NCOA2: variants seen among roughly 807,000 people sequenced by gnomAD.
NCOA2 encodes the protein class E basic helix-loop-helix protein 75.
Under a neutral mutation model 145.1 loss-of-function variants are expected in NCOA2, and 21 were observed. That is an observed-to-expected ratio of 0.14 (90% CI 0.10 to 0.21). The LOEUF (loss-of-function observed/expected upper bound fraction) is 0.21, where lower values mean the gene tolerates loss of function less well. Ranked by LOEUF, NCOA2 falls within the 10% of genes least tolerant of loss-of-function variation. NCOA2 has a pLI of 1.00. For synonymous variants in NCOA2, 619 were observed against 637.5 expected (o/e 0.97, Z 0.44); for missense variants, 1,472 against 1,837.6 (o/e 0.80, Z 3.64).
the NCOA2 span, among the ~76,000 whole-genome samples, chr8:70,416,720 T>C: frequency 2.0e-5 from 3 of 152,198 alleles, no homozygotes; most frequent in African/African-American, 7.2e-5. Context: ...AGGGCTTTCA[T>C]GCTTTATCAT....
rs984826712 is a variant in NCOA2, at chr8:70,338,551, A to G, written c.-76-41751T>C. Reference sequence around the variant, plus strand: ...CCATTTCCACTGAAACTATTCCAAAAAACTGAAAAGGAGGGACTCCTCCCT... The same window carrying G: ...CCATTTCCACTGAAACTATTCCAAAGAACTGAAAAGGAGGGACTCCTCCCT... On this transcript the variant is annotated intron_variant, in intron 1 of 22. Transcript: ENST00000452400. 2.0e-5 allele frequency among the ~76,000 whole-genome samples: 3 copies of G among 152,156 alleles called. No homozygotes were observed. In the South Asian group the frequency reaches 6.2e-4, roughly 32 times the overall value.
chr8:70,398,310 T>A (rs745946426), intron 1 of NCOA2, among the ~76,000 whole-genome samples: 3 of 151,936 alleles, frequency 2.0e-5, no homozygotes, highest in African/African-American at 4.8e-5. Context: ...ATATCAAAAA[T>A]TAGCTAGGCG....
At chr8:70,434,578 C>G in the NCOA2 span, among the ~76,000 whole-genome samples, 1 of 151,800 alleles carries the variant, frequency 6.6e-6, no homozygotes, top group Non-Finnish European at 1.5e-5. Flanking sequence ...TTTCTTTTTT[C>G]TTTTTTTGGA....
chr8:70,113,606 TG>T lies in NCOA2; in HGVS notation c.*25del. The T allele has an allele frequency of 6.4e-7, 1 of 1,551,680 alleles. No homozygotes were observed. Among genetic ancestry groups the T allele is most frequent in the South Asian group, 1.2e-5 (1 of 84,066 alleles). ...TTTTGAGCAAGTGAGCCCGGTCAGC[TG>T]AAGAAGCAACTGGCTTCAGCAGTGT... On this transcript the variant is annotated 3_prime_UTR_variant, in exon 23 of 23. Coordinates refer to ENST00000452400, the MANE Select transcript of NCOA2 (RefSeq NM_006540.4).
chr8:70,431,775 GT>G, the NCOA2 span, among the ~76,000 whole-genome samples: 8 of 152,264 alleles, frequency 5.3e-5, no homozygotes, highest in East Asian at 1.5e-3. Flanking sequence ...ATTAAAATAT[GT>G]TTCAAATAGT....
chr8:70,424,195 C>T, the NCOA2 span: 2 of 281,390 alleles, frequency 7.1e-6, no homozygotes, highest in African/African-American at 2.3e-5. Flanking sequence ...GCTTCAGACA[C>T]GAAGACCCCA....
chr8:70,417,505 T>A, the NCOA2 span, among the ~76,000 whole-genome samples: 1 of 152,038 alleles, frequency 6.6e-6, no homozygotes, highest in Non-Finnish European at 1.5e-5. Flanking sequence ...GCCAAGCTTG[T>A]GCCATTTCAC....
At chr8:70,252,648 C>G (rs1823294450) in intron 2 of NCOA2, among the ~76,000 whole-genome samples, 1 of 152,126 alleles carries the variant, frequency 6.6e-6, no homozygotes, top group African/African-American at 2.4e-5. Context: ...CTGAAGAAAC[C>G]TGGCTCCTCA....
intron 4 of NCOA2, among the ~76,000 whole-genome samples, chr8:70,183,603 T>A (rs1223625743): frequency 6.6e-6 from 1 of 152,188 alleles, no homozygotes; most frequent in Non-Finnish European, 1.5e-5. Context: ...TGCATCACAT[T>A]CTTTCAAGAT....
At chr8:70,155,331 A>G (rs1037447953) in intron 11 of NCOA2, among the ~76,000 whole-genome samples, 5 of 152,202 alleles carry the variant, frequency 3.3e-5, no homozygotes, top group African/African-American at 1.2e-4. Flanking sequence ...AACGACCTTC[A>G]TTGGGTTTCA....
chr8:70,334,781 A>C (rs1038469990), intron 1 of NCOA2, among the ~76,000 whole-genome samples: 1 of 152,130 alleles, frequency 6.6e-6, no homozygotes, highest in Admixed American at 6.6e-5. Flanking sequence ...AGACTGAAAA[A>C]ATGGAGACTG....
At chr8:70,398,519 G>C (rs1349724633) in intron 1 of NCOA2, among the ~76,000 whole-genome samples, 1 of 152,088 alleles carries the variant, frequency 6.6e-6, no homozygotes. Context: ...AGTTGGCCAG[G>C]GGAACTCAAA....
intron 1 of NCOA2, among the ~76,000 whole-genome samples, chr8:70,381,161 G>A (rs1355175468): frequency 6.6e-6 from 1 of 151,638 alleles, no homozygotes; most frequent in Non-Finnish European, 1.5e-5. Flanking sequence ...AGGTATAGAT[G>A]ACCGGTTCAT....
intron 2 of NCOA2, among the ~76,000 whole-genome samples, chr8:70,285,382 AAG>A (rs1380506003): frequency 6.6e-6 from 1 of 152,224 alleles, no homozygotes; most frequent in Non-Finnish European, 1.5e-5. Flanking sequence ...GATGATAACC[AAG>A]AGTCATTTTC....
At chr8:70,217,654 G>C (rs893033083) in intron 2 of NCOA2, among the ~76,000 whole-genome samples, 2 of 152,032 alleles carry the variant, frequency 1.3e-5, no homozygotes, top group African/African-American at 4.8e-5. Flanking sequence ...CAGTGTGCTC[G>C]TCATCACTAA....
intron 16 of NCOA2, among the ~76,000 whole-genome samples, chr8:70,131,151 T>C (rs114541819): frequency 0.012 from 1,848 of 152,282 alleles, 53 homozygotes; most frequent in African/African-American, 0.042. Context: ...GCTAGGACTA[T>C]AGGTGTGTGC....
chr8:70,297,206 C>A (rs1827158324), intron 1 of NCOA2, among the ~76,000 whole-genome samples: 1 of 151,756 alleles, frequency 6.6e-6, no homozygotes, highest in South Asian at 2.1e-4. Flanking sequence ...TTGTAACAGG[C>A]AGAAAATGTG....
At chr8:70,160,466 T>C (rs949112630) in intron 9 of NCOA2, among the ~76,000 whole-genome samples, 2 of 152,206 alleles carry the variant, frequency 1.3e-5, no homozygotes, top group African/African-American at 2.4e-5. Flanking sequence ...AACTGTCTTA[T>C]ATCACCTATT....
chr8:70,217,523 G>A (rs146312750), intron 2 of NCOA2, among the ~76,000 whole-genome samples: 7 of 152,180 alleles, frequency 4.6e-5, no homozygotes, highest in Middle Eastern at 3.4e-3. Flanking sequence ...AACGCCAAAG[G>A]TCTTAAGATA....
Sources: gnomAD v4.1 joint callset for allele counts (sites outside exome capture counted in the v4.1 genomes callset) on GRCh38, gnomAD v4.1.1 for gene constraint, MANE v1.5 for transcripts, NCBI Gene and HGNC (gene_info 2026-07-23, HGNC 2026-07-21) for gene names.